IGF1R: variants seen among roughly 807,000 people sequenced by gnomAD.
IGF1R encodes the protein insulin like growth factor 1 receptor.
IGF1R carries 44 observed loss-of-function variants against 144.6 expected under a neutral mutation model. The observed-to-expected ratio is 0.30, with a 90% CI of 0.24 to 0.39. IGF1R has a LOEUF of 0.39. Ranked by LOEUF, IGF1R falls within the 10% of genes least tolerant of loss-of-function variation. The probability of loss-of-function intolerance (pLI) is 1.00; values close to 1 mark genes in which losing one functional copy is unlikely to be tolerated. For synonymous variants in IGF1R, 795 were observed against 722.8 expected (o/e 1.10, Z -1.60); for missense variants, 1,355 against 1,833.7 (o/e 0.74, Z 4.77).
At position 98,960,158 on chromosome 15, in the gene IGF1R, TCCACG is replaced by T. The variant is rs1207928951; in HGVS notation, c.*2721_*2725del. The T allele has an allele frequency of 4.3e-6, 1 of 233,588 alleles. No individual in the cohort carries two copies. The highest frequency in any genetic ancestry group is 6.0e-5 in the East Asian group (1 of 16,600). The allele number at this position is 233,588 out of a possible 1,614,324, so 14.5% of individuals were successfully genotyped here. ...TAGGCCGTTGATACTGGTAACCTCA[TCCACG>T]CCACAGGCGCCACACCCAGGTGATG... is the stretch of plus-strand genomic sequence containing the variant. On this transcript the variant is annotated 3_prime_UTR_variant, in exon 21 of 21. Coordinates refer to ENST00000650285, the MANE Select transcript of IGF1R (RefSeq NM_000875.5).
In IGF1R at chr15:98,869,654, C is replaced by T. The variant is rs972370631; in HGVS notation, c.641-21671C>T. On this transcript the variant is annotated intron_variant, in intron 2 of 20. Transcript: ENST00000650285. ...TTCTCCATGTTGGTCAGGGTGGTCTCGAACTCCCATCCTCAGGTGATCCAC... is the reference window on the plus strand; with the variant it reads ...TTCTCCATGTTGGTCAGGGTGGTCTTGAACTCCCATCCTCAGGTGATCCAC... 6.6e-5 allele frequency among the ~76,000 whole-genome samples: 10 copies of T among 152,050 alleles called. No individual in the cohort carries two copies. In the South Asian group the frequency reaches 8.3e-4, roughly 13 times the overall value.
At chr15:98,940,649 C>G (rs1447071607) in intron 18 of IGF1R, among the ~76,000 whole-genome samples, 3 of 152,202 alleles carry the variant, frequency 2.0e-5, no homozygotes, top group Non-Finnish European at 4.4e-5. Context: ...AGGTGATCCA[C>G]GCACCTCGGC....
At chr15:98,706,275 A>G (rs951820911) in intron 1 of IGF1R, among the ~76,000 whole-genome samples, 1 of 152,218 alleles carries the variant, frequency 6.6e-6, no homozygotes, top group African/African-American at 2.4e-5. Flanking sequence ...AATTAATTAC[A>G]TCAGTCAGAA....
At chr15:98,734,477 T>C (rs947357606) in intron 2 of IGF1R, among the ~76,000 whole-genome samples, 1 of 152,186 alleles carries the variant, frequency 6.6e-6, no homozygotes, top group Non-Finnish European at 1.5e-5. Flanking sequence ...CCAGAATGGC[T>C]TACAGAGTTT....
chr15:98,771,225 T>TA (rs538023028), intron 2 of IGF1R, among the ~76,000 whole-genome samples: 2 of 152,338 alleles, frequency 1.3e-5, no homozygotes, highest in South Asian at 4.1e-4. Context: ...GACTAACACA[T>TA]ACCCCCTGCT....
chr15:98,828,760 A>G (rs918886886), intron 2 of IGF1R, among the ~76,000 whole-genome samples: 9 of 140,086 alleles, frequency 6.4e-5, no homozygotes, highest in African/African-American at 2.4e-4. Context: ...ATCCTAATAT[A>G]TTTGCTGAGC....
chr15:98,855,209 G>A (rs373606331), intron 2 of IGF1R, among the ~76,000 whole-genome samples: 3 of 152,304 alleles, frequency 2.0e-5, no homozygotes, highest in African/African-American at 7.2e-5. Flanking sequence ...TGAGAGTGAG[G>A]ACAGTCTCAT....
In IGF1R at chr15:98,808,156, A is replaced by G. The variant is rs550575616; in HGVS notation, c.641-83169A>G. 7.9e-5 allele frequency among the ~76,000 whole-genome samples: 12 copies of G among 152,366 alleles called. No homozygotes were observed. The South Asian group carries it at 1.9e-3, about 24-fold the overall frequency. The stretch of plus-strand genomic sequence containing the variant: ...AGGGTATTCTCCTTGAGGAGCTCAG[A>G]ATAACCAAAGGTAAAGCATTTGGTG... On this transcript the variant is annotated intron_variant, in intron 2 of 20. Transcript: ENST00000650285.
At chr15:98,821,423 TAGA>T (rs1332967599) in intron 2 of IGF1R, among the ~76,000 whole-genome samples, 1 of 152,182 alleles carries the variant, frequency 6.6e-6, no homozygotes, top group Non-Finnish European at 1.5e-5. Flanking sequence ...ACCGTGAATT[TAGA>T]AGAGTAAAAC....
chr15:98,899,016 A>G (rs1291461983), intron 4 of IGF1R, among the ~76,000 whole-genome samples: 1 of 152,222 alleles, frequency 6.6e-6, no homozygotes, highest in Admixed American at 6.5e-5. Flanking sequence ...AGTAAAATGG[A>G]ACCTTTAAAT....
At chr15:98,668,057 C>A (rs1209513274) in intron 1 of IGF1R, among the ~76,000 whole-genome samples, 2 of 152,126 alleles carry the variant, frequency 1.3e-5, no homozygotes, top group East Asian at 3.9e-4. Context: ...AGTCTGAGAT[C>A]AAGGTGCCGA....
Position 98,959,486 on chromosome 15 carries a change from C to G in IGF1R, c.*2044C>G, listed in dbSNP as rs1215281143. The G allele has an allele frequency of 4.3e-6, 1 of 233,744 alleles. No homozygotes were observed. Among genetic ancestry groups the G allele is most frequent in the Non-Finnish European group, 8.5e-6 (1 of 118,140 alleles). The allele number at this position is 233,744 out of a possible 1,614,324, so 14.5% of individuals were successfully genotyped here. A position where few individuals can be genotyped will look rare whatever the true frequency, so the allele number is the denominator to read the frequency against. On this transcript the variant is annotated 3_prime_UTR_variant, in exon 21 of 21. Coordinates refer to ENST00000650285, the MANE Select transcript of IGF1R (RefSeq NM_000875.5). ...CCAGGCTGGCCCAGGGCGGCACCCT[C>G]AGGGCTGTGCCCGCTGGAGTGCTAG...
intron 2 of IGF1R, among the ~76,000 whole-genome samples, chr15:98,730,378 G>A (rs898026455): frequency 1.3e-5 from 2 of 152,132 alleles, no homozygotes; most frequent in East Asian, 1.9e-4. Flanking sequence ...GTAGTACCAC[G>A]ATACTTTCTT....
intron 2 of IGF1R, among the ~76,000 whole-genome samples, chr15:98,760,444 CTT>C (rs1354916317): frequency 6.6e-6 from 1 of 152,120 alleles, no homozygotes; most frequent in African/African-American, 2.4e-5. Flanking sequence ...AATGCAAAAT[CTT>C]TTTAATAGCT....
rs1270810552 is a variant in IGF1R at position 98,958,992 on chromosome 15, G to A, written c.*1550G>A. 1 of 233,314 alleles carries A rather than the reference G, an allele frequency of 4.3e-6. No individual in the cohort carries two copies. Among genetic ancestry groups the A allele is most frequent in the Non-Finnish European group, 8.5e-6 (1 of 118,032 alleles). The allele number at this position is 233,314 out of a possible 1,614,324, so 14.5% of individuals were successfully genotyped here. A position where few individuals can be genotyped will look rare whatever the true frequency, so the allele number is the denominator to read the frequency against. On this transcript the variant is annotated 3_prime_UTR_variant, in exon 21 of 21. Coordinates refer to ENST00000650285, the MANE Select transcript of IGF1R (RefSeq NM_000875.5). The stretch of plus-strand genomic sequence containing the variant: ...GGGCACGAGGCAGAAAGCAGGCCGG[G>A]CACCCATCCTGAGAGGGCCGCGCTC...
At chr15:98,922,036 C>T (rs2015509892) in intron 10 of IGF1R, 112 bp from the exon 11 acceptor site, 1 of 1,165,262 alleles carries the variant, frequency 8.6e-7, no homozygotes, top group Non-Finnish European at 1.3e-6. Flanking sequence ...TAAGGGGGCT[C>T]AATAGCTCCT....
intron 2 of IGF1R, among the ~76,000 whole-genome samples, chr15:98,843,322 G>T (rs139392727): frequency 3.3e-5 from 5 of 152,032 alleles, no homozygotes; most frequent in Admixed American, 6.6e-5. Context: ...CATAATAGAC[G>T]CAGAACAAAT....
At chr15:98,886,015 G>T (rs986226076) in intron 2 of IGF1R, among the ~76,000 whole-genome samples, 2 of 151,930 alleles carry the variant, frequency 1.3e-5, no homozygotes, top group Non-Finnish European at 1.5e-5. Context: ...ATGGGGTTTC[G>T]CCATGTTGGG....
At chr15:98,945,995 T>C (rs563657477) in intron 19 of IGF1R, among the ~76,000 whole-genome samples, 1 of 151,816 alleles carries the variant, frequency 6.6e-6, no homozygotes, top group Non-Finnish European at 1.5e-5. Flanking sequence ...GTGTGGAAGA[T>C]GCGGGGATGA....
Sources: gnomAD v4.1 joint callset for allele counts (sites outside exome capture counted in the v4.1 genomes callset) on GRCh38, gnomAD v4.1.1 for gene constraint, MANE v1.5 for transcripts, NCBI Gene and HGNC (gene_info 2026-07-23, HGNC 2026-07-21) for gene names.